The following SKAP1 variants were observed in gnomAD, a reference collection of about 807,000 sequenced individuals.
SKAP1 encodes the protein src kinase-associated phosphoprotein 1.
In SKAP1, 44 loss-of-function variants were observed where a neutral mutation model predicts 58.5. The ratio of observed to expected loss-of-function variants is 0.75; its 90% CI spans 0.59 to 0.97. The LOEUF is 0.97. SKAP1 is among the 50% of genes least tolerant of loss of function. The pLI, the probability that SKAP1 is intolerant of heterozygous loss-of-function variation, is 0.00. For missense variants in SKAP1, 390 were observed against 435.2 expected (o/e 0.90, Z 0.92); for synonymous variants, 127 against 149.7 (o/e 0.85, Z 1.11).
At chr17:48,286,697 C>T (rs1228396410) in intron 4 of SKAP1, among the ~76,000 whole-genome samples, 1 of 152,246 alleles carries the variant, frequency 6.6e-6, no homozygotes, top group Non-Finnish European at 1.5e-5. Context: ...AACACACACA[C>T]ACTCGACTTC....
chr17:48,383,157 T>G lies in SKAP1; in HGVS notation c.152+13523A>C, dbSNP rs540601776. Among the ~76,000 whole-genome samples the G allele has an allele frequency of 7.9e-5, 12 of 152,358 alleles. No homozygotes were observed. The South Asian group carries it at 2.5e-3, about 32-fold the overall frequency. Reference sequence around the variant, plus strand: ...TCTATAATCCTCACCCGGCTTTTAGTTGATTCCATTTCTCTTTATTACCAA... The same window carrying G: ...TCTATAATCCTCACCCGGCTTTTAGGTGATTCCATTTCTCTTTATTACCAA... On this transcript the variant is annotated intron_variant, in intron 2 of 12. Coordinates refer to ENST00000336915, the MANE Select transcript of SKAP1 (RefSeq NM_003726.4).
At chr17:48,381,454 C>T (rs925189497) in intron 2 of SKAP1, among the ~76,000 whole-genome samples, 15 of 152,164 alleles carry the variant, frequency 9.9e-5, no homozygotes, top group African/African-American at 3.6e-4. Flanking sequence ...TCCCATTCAC[C>T]CCACGGCCAA....
chr17:48,266,340 G>T (rs1331947145), intron 4 of SKAP1, among the ~76,000 whole-genome samples: 2 of 152,078 alleles, frequency 1.3e-5, no homozygotes, highest in Non-Finnish European at 2.9e-5. Flanking sequence ...TTTAAAGACA[G>T]TTTCCACCTA....
intron 4 of SKAP1, chr17:48,308,740 G>GTT (rs1178724631): frequency 6.6e-6 from 1 of 152,036 alleles, no homozygotes; most frequent in African/African-American, 2.4e-5. Context: ...TAACCTTTGG[G>GTT]CAAGTTTCGT....
At chr17:48,335,511 C>T (rs1378641115) in intron 4 of SKAP1, among the ~76,000 whole-genome samples, 1 of 151,978 alleles carries the variant, frequency 6.6e-6, no homozygotes, top group Non-Finnish European at 1.5e-5. Flanking sequence ...ATTTGCACAC[C>T]AGTTCAGTGT....
chr17:48,430,164 C>T lies in SKAP1; in HGVS notation c.-44G>A. ...GGCGGGACGGGGCGCGGGCCCTGGT[C>T]GGGAGGCGGACGGGCTGGAAGGCGA... On this transcript the variant is annotated 5_prime_UTR_variant, in exon 1 of 13. Coordinates refer to ENST00000336915, the MANE Select transcript of SKAP1 (RefSeq NM_003726.4). The T allele has an allele frequency of 6.1e-6, 7 of 1,148,202 alleles. No individual in the cohort carries two copies. The highest frequency in any genetic ancestry group is 4.3e-5 in the South Asian group (1 of 23,274). 71.1% of individuals were successfully genotyped at this position (1,148,202 alleles called of 1,614,324 possible). A position where few individuals can be genotyped will look rare whatever the true frequency, so the allele number is the denominator to read the frequency against.
At chr17:48,412,636 T>C (rs778815152) in intron 1 of SKAP1, among the ~76,000 whole-genome samples, 1 of 152,180 alleles carries the variant, frequency 6.6e-6, no homozygotes, top group Non-Finnish European at 1.5e-5. Context: ...TATACCTATA[T>C]ATAATTTTGA....
intron 4 of SKAP1, among the ~76,000 whole-genome samples, chr17:48,312,396 T>C (rs570203414): frequency 6.6e-6 from 1 of 152,350 alleles, no homozygotes; most frequent in Admixed American, 6.5e-5. Context: ...AACAATTTTA[T>C]AGAAAAGAAT....
At chr17:48,334,202 G>A (rs1194858268) in intron 4 of SKAP1, among the ~76,000 whole-genome samples, 1 of 151,736 alleles carries the variant, frequency 6.6e-6, no homozygotes, top group East Asian at 1.9e-4. Context: ...ATATTATACT[G>A]TTATCAACTT....
chr17:48,242,496 C>T (rs1489493107), intron 4 of SKAP1, among the ~76,000 whole-genome samples: 1 of 152,120 alleles, frequency 6.6e-6, no homozygotes, highest in Admixed American at 6.5e-5. Flanking sequence ...AAAGCAATGT[C>T]AACCAAAAAC....
At chr17:48,382,836 G>T (rs1567892309) in intron 2 of SKAP1, among the ~76,000 whole-genome samples, 1 of 152,174 alleles carries the variant, frequency 6.6e-6, no homozygotes, top group Non-Finnish European at 1.5e-5. Flanking sequence ...CACCCTCCAG[G>T]TGAATTTGTA....
chr17:48,359,500 G>T (rs928678440), intron 3 of SKAP1, among the ~76,000 whole-genome samples: 1 of 152,004 alleles, frequency 6.6e-6, no homozygotes, highest in Non-Finnish European at 1.5e-5. Flanking sequence ...TTATACATTC[G>T]TTGGTAAACC....
chr17:48,176,885 A>G (rs2064298389), intron 9 of SKAP1, among the ~76,000 whole-genome samples: 1 of 152,196 alleles, frequency 6.6e-6, no homozygotes, highest in Non-Finnish European at 1.5e-5. Flanking sequence ...CTCTGGAAGG[A>G]AGGTCTCACT....
chr17:48,366,091 T>G (rs2066997778), intron 2 of SKAP1, among the ~76,000 whole-genome samples: 1 of 152,234 alleles, frequency 6.6e-6, no homozygotes, highest in Non-Finnish European at 1.5e-5. Context: ...TGATAGGTGA[T>G]AATGGTGTGT....
At chr17:48,313,335 T>TC (rs1273582924) in intron 4 of SKAP1, among the ~76,000 whole-genome samples, 2 of 152,168 alleles carry the variant, frequency 1.3e-5, no homozygotes, top group African/African-American at 2.4e-5. Context: ...ACCTGATACA[T>TC]CCCTTTCTTT....
chr17:48,177,943 C>T (rs747203083), intron 9 of SKAP1, among the ~76,000 whole-genome samples: 1 of 152,124 alleles, frequency 6.6e-6, no homozygotes, highest in African/African-American at 2.4e-5. Context: ...GTGTGGCCTT[C>T]CTCACTTCCA....
intron 4 of SKAP1, among the ~76,000 whole-genome samples, chr17:48,190,211 A>T (rs1272381488): frequency 6.7e-6 from 1 of 148,850 alleles, no homozygotes; most frequent in Non-Finnish European, 1.5e-5. Flanking sequence ...GGCTCATGCC[A>T]TTCTCCTGCC....
intron 3 of SKAP1, among the ~76,000 whole-genome samples, chr17:48,358,370 T>G (rs989899740): frequency 6.6e-6 from 1 of 152,202 alleles, no homozygotes; most frequent in Non-Finnish European, 1.5e-5. Flanking sequence ...TTTTTTAAAG[T>G]GTAAAGATGG....
chr17:48,142,493 A>C (rs182157405), intron 11 of SKAP1, among the ~76,000 whole-genome samples: 169 of 152,268 alleles, frequency 1.1e-3, no homozygotes, highest in African/African-American at 4.0e-3. Flanking sequence ...AAAACAAACA[A>C]AAAAACTTGT....
Sources: gnomAD v4.1 joint callset for allele counts (sites outside exome capture counted in the v4.1 genomes callset) on GRCh38, gnomAD v4.1.1 for gene constraint, MANE v1.5 for transcripts, NCBI Gene and HGNC (gene_info 2026-07-23, HGNC 2026-07-21) for gene names.